Variants in DNAI3 observed in about 807,000 individuals in gnomAD.
The protein encoded by DNAI3 is dynein axonemal intermediate chain 3.
Under a neutral mutation model 115.5 loss-of-function variants are expected in DNAI3, and 83 were observed. That is an observed-to-expected ratio of 0.72 (90% CI 0.60 to 0.86). DNAI3 has a LOEUF of 0.86. DNAI3 is among the 40% of genes least tolerant of loss of function. The pLI is 0.00. For missense variants in DNAI3, 1,004 were observed against 1,075.8 expected (o/e 0.93, Z 0.93); for synonymous variants, 320 against 347.0 (o/e 0.92, Z 0.86).
At chr1:85,116,229 C>T (rs1216160167) in intron 16 of DNAI3, among the ~76,000 whole-genome samples, 5 of 152,204 alleles carry the variant, frequency 3.3e-5, no homozygotes, top group African/African-American at 1.2e-4. Flanking sequence ...GGTTTAAACC[C>T]AATCTACCCT....
At chr1:85,088,830 T>C (rs1355734495) in intron 7 of DNAI3, among the ~76,000 whole-genome samples, 1 of 152,058 alleles carries the variant, frequency 6.6e-6, no homozygotes. Flanking sequence ...AAGCAATATA[T>C]CATTTTGTTT....
chr1:85,132,765 T>C (rs1656377277), intron 22 of DNAI3, 90 bp from the exon 23 acceptor site: 2 of 1,477,568 alleles, frequency 1.4e-6, no homozygotes, highest in African/African-American at 2.9e-5. Context: ...AGCAGCCAGG[T>C]CAACTATTCA....
chr1:85,129,937 G>T (rs185971320), intron 21 of DNAI3, 53 bp from the exon 22 acceptor site: 5 of 1,578,404 alleles, frequency 3.2e-6, no homozygotes, highest in African/African-American at 1.4e-5. Context: ...GCCTTGTAAA[G>T]GTCATGGGGG....
chr1:85,113,207 T>C (rs1655709197), intron 16 of DNAI3, among the ~76,000 whole-genome samples: 3 of 152,248 alleles, frequency 2.0e-5, no homozygotes, highest in African/African-American at 7.2e-5. Context: ...AGCAGTCTTT[T>C]GAAAATCAGA....
intron 15 of DNAI3, 38 bp downstream of exon 15, chr1:85,108,215 T>C: frequency 1.3e-6 from 2 of 1,522,072 alleles, no homozygotes; most frequent in Non-Finnish European, 1.7e-6. Flanking sequence ...CCTGCTTGCA[T>C]AATACACTAT....
intron 14 of DNAI3, among the ~76,000 whole-genome samples, chr1:85,107,727 C>G (rs942036555): frequency 1.3e-5 from 2 of 152,112 alleles, no homozygotes; most frequent in Non-Finnish European, 2.9e-5. Context: ...GAGTTATACA[C>G]TTTAATTGGA....
intron 11 of DNAI3, among the ~76,000 whole-genome samples, chr1:85,096,424 A>G (rs750124563): frequency 6.6e-6 from 1 of 150,892 alleles, no homozygotes; most frequent in Non-Finnish European, 1.5e-5. Flanking sequence ...GAAAGCATAC[A>G]CACATCACTG....
chr1:85,107,703 T>C (rs538614840), intron 14 of DNAI3, among the ~76,000 whole-genome samples: 1 of 152,316 alleles, frequency 6.6e-6, no homozygotes, highest in East Asian at 1.9e-4. Context: ...TCTGTGACTA[T>C]ATTGAAAACC....
chr1:85,068,793 G>C (rs999517330), intron 1 of DNAI3, among the ~76,000 whole-genome samples: 1 of 152,150 alleles, frequency 6.6e-6, no homozygotes, highest in African/African-American at 2.4e-5. Context: ...ATCAGGCAGA[G>C]AATCCCTCCC....
At chr1:85,074,847 G>A (rs1654403359) in intron 3 of DNAI3, among the ~76,000 whole-genome samples, 1 of 151,988 alleles carries the variant, frequency 6.6e-6, no homozygotes, top group Non-Finnish European at 1.5e-5. Context: ...AATGTATATT[G>A]TTGATTCCTT....
chr1:85,081,922 T>A (rs771416723), intron 4 of DNAI3, among the ~76,000 whole-genome samples: 11 of 152,256 alleles, frequency 7.2e-5, no homozygotes, highest in Non-Finnish European at 1.3e-4. Context: ...ATTGCAGGCA[T>A]CAGCCACCGT....
intron 1 of DNAI3, among the ~76,000 whole-genome samples, chr1:85,065,282 T>A (rs984484742): frequency 7.9e-5 from 12 of 152,214 alleles, no homozygotes; most frequent in Admixed American, 3.3e-4. Flanking sequence ...AATGAGAGCA[T>A]GTAAACAGGT....
At chr1:85,128,227 G>C (rs529542746) in intron 20 of DNAI3, among the ~76,000 whole-genome samples, 1 of 151,740 alleles carries the variant, frequency 6.6e-6, no homozygotes, top group Non-Finnish European at 1.5e-5. Context: ...ATGTTCAAAG[G>C]CAGCTACTTG....
chr1:85,076,459 T>C (rs1654457424), intron 3 of DNAI3, among the ~76,000 whole-genome samples: 1 of 152,226 alleles, frequency 6.6e-6, no homozygotes, highest in Non-Finnish European at 1.5e-5. Context: ...CATTAGTCTG[T>C]TCACATGCTT....
intron 17 of DNAI3, among the ~76,000 whole-genome samples, chr1:85,118,835 T>A (rs2034951): frequency 6.6e-6 from 1 of 151,596 alleles, no homozygotes; most frequent in Non-Finnish European, 1.5e-5. Flanking sequence ...GCTTGGATGT[T>A]GGAGGTTGAG....
At chr1:85,080,332 T>C (rs1654602607) in intron 3 of DNAI3, among the ~76,000 whole-genome samples, 1 of 152,106 alleles carries the variant, frequency 6.6e-6, no homozygotes, top group South Asian at 2.1e-4. Flanking sequence ...CGCCCAGCTT[T>C]AAGGGAAGGT....
chr1:85,132,997 A>G lies in DNAI3; in HGVS notation c.2675A>G (p.Ter892=). The G allele has an allele frequency of 6.3e-7, 1 of 1,592,426 alleles. No individual in the cohort carries two copies. The highest frequency in any genetic ancestry group is 8.6e-7 in the Non-Finnish European group (1 of 1,169,554). The change falls in exon 23 of 23, where the codon TAA becomes TGA. Residue 892 remains the stop codon, a stop_retained_variant. Coordinates refer to ENST00000294664, the MANE Select transcript of DNAI3 (RefSeq NM_145172.5). ...TEKGSYMEVM[*] ...AAGGGGTCATACATGGAGGTGATGT[A>G]AAAAAGCTTCCTGAAGGGGTGTTTT...
At chr1:85,073,228 G>A in intron 3 of DNAI3, 136 bp downstream of exon 3, 1 of 562,094 alleles carries the variant, frequency 1.8e-6, no homozygotes, top group South Asian at 6.5e-5. Flanking sequence ...ATTCCATTTA[G>A]AATATAAAAT....
rs763489956 is a variant in DNAI3 at position 85,117,789 on chromosome 1, T to C, written c.1847T>C (p.Leu616Pro). 1.9e-5 allele frequency: 31 copies of C among 1,613,880 alleles called. No individual in the cohort carries two copies. The highest frequency in any genetic ancestry group is 2.6e-5 in the Non-Finnish European group (31 of 1,179,878). The change falls in exon 17 of 23, where the codon CTG (leucine) becomes CCG (proline). Residue 616 changes from leucine to proline, a missense_variant. Around this residue, in one of 3 missense-constraint regions of DNAI3, gnomAD observed 429 missense variants for 454.3 expected, o/e 0.94. Coordinates refer to ENST00000294664, the MANE Select transcript of DNAI3 (RefSeq NM_145172.5). ...KAEEMNPYHN[L>P]ESGMANLLKP... ...GAAGAAATGAACCCGTATCATAATC[T>C]GGAAAGTGGGATGGCCAATCTTCTC...
Sources: gnomAD v4.1 joint callset for allele counts (sites outside exome capture counted in the v4.1 genomes callset) on GRCh38, gnomAD v4.1.1 for gene constraint, gnomAD v4.1.1 regional missense constraint, MANE v1.5 for transcripts, NCBI Gene and HGNC (gene_info 2026-07-23, HGNC 2026-07-21) for gene names.